Variants in OPRM1 observed in about 807,000 individuals in gnomAD.
OPRM1 encodes mu-type opioid receptor.
OPRM1 carries 27 observed loss-of-function variants against 31.8 expected under a neutral mutation model. The ratio of observed to expected loss-of-function variants is 0.85; its 90% confidence interval spans 0.63 to 1.17. The LOEUF (loss-of-function observed/expected upper bound fraction) is 1.17, where lower values mean the gene tolerates loss of function less well. OPRM1 is among the 50% of genes most tolerant of loss of function. The pLI is 0.00. For missense variants in OPRM1, 536 were observed against 511.1 expected (o/e 1.05, Z -0.47); for synonymous variants, 196 against 189.9 (o/e 1.03, Z -0.26).
At chr6:154,071,070 A>T (rs997385908) in intron 1 of OPRM1, among the ~76,000 whole-genome samples, 5 of 152,224 alleles carry the variant, frequency 3.3e-5, no homozygotes, top group African/African-American at 4.8e-5. Context: ...ACAACTGAGC[A>T]AGCAGGTCTT....
chr6:154,160,152 A>C (rs1364254588), intron 3 of OPRM1: 3 of 793,896 alleles, frequency 3.8e-6, no homozygotes, highest in Non-Finnish European at 6.0e-6. Flanking sequence ...TTACCAAAGC[A>C]TTTTTGCACG....
At chr6:154,032,244 C>T (rs1326804189) in intron 1 of OPRM1, among the ~76,000 whole-genome samples, 2 of 152,156 alleles carry the variant, frequency 1.3e-5, no homozygotes, top group African/African-American at 4.8e-5. Flanking sequence ...GCCAAGGACT[C>T]TTGTAAGTGC....
chr6:154,038,849 G>T (rs79862455), upstream of OPRM1, among the ~76,000 whole-genome samples: 8 of 152,274 alleles, frequency 5.3e-5, no homozygotes, highest in East Asian at 1.5e-3. Flanking sequence ...GTTCCCAACA[G>T]GTTTGTAGGG....
intron 1 of OPRM1, among the ~76,000 whole-genome samples, chr6:154,013,923 T>A (rs1777864253): frequency 6.6e-6 from 1 of 152,064 alleles, no homozygotes; most frequent in Non-Finnish European, 1.5e-5. Context: ...GGAAAGAAAG[T>A]CATATTGTTG....
intron 3 of OPRM1, chr6:154,159,642 T>TA: frequency 1.7e-6 from 1 of 602,870 alleles, no homozygotes; most frequent in Non-Finnish European, 2.9e-6. Flanking sequence ...ATGGATGCGT[T>TA]ACGACTGAAA....
chr6:154,237,074 A>G (rs1241016095), intron 3 of OPRM1, among the ~76,000 whole-genome samples: 1 of 152,234 alleles, frequency 6.6e-6, no homozygotes, highest in East Asian at 1.9e-4. Flanking sequence ...GTGACAGATG[A>G]GTCTATCAAT....
rs754157819 is a variant in OPRM1 at position 154,010,517 on chromosome 6, T to C, written c.-502T>C. On this transcript the variant is annotated 5_prime_UTR_variant, in exon 1 of 6. Coordinates refer to the OPRM1 transcript ENST00000434900. ...GTTTGTCTTCCTGTAAAGAAAATGA[T>C]GAGGGCTAAATCCATCAGCACCAAA... is the stretch of plus-strand genomic sequence containing the variant. 1.9e-6 allele frequency: 3 copies of C among 1,544,268 alleles called. No individual in the cohort carries two copies. In the South Asian group the frequency reaches 3.6e-5, roughly 18 times the overall value.
At chr6:154,106,081 C>A (rs375796945) in intron 3 of OPRM1, among the ~76,000 whole-genome samples, 7 of 152,156 alleles carry the variant, frequency 4.6e-5, no homozygotes, top group African/African-American at 1.7e-4. Context: ...GAATCTCTTA[C>A]AATTAATCCT....
At chr6:154,108,893 T>C (rs1796002643) in intron 3 of OPRM1, 1 of 984,688 alleles carries the variant, frequency 1.0e-6, no homozygotes. Context: ...CAGTAGTTAC[T>C]AGAGAAAAAT....
chr6:154,019,826 C>T lies in OPRM1; in HGVS notation c.-1+8808C>T, dbSNP rs375395095. ...ATGGCTCACTGCAGCCTCTCCTTTCCGGGCTCAAGCAATCCCCCCATCTCA... is the reference window on the plus strand; with the variant it reads ...ATGGCTCACTGCAGCCTCTCCTTTCTGGGCTCAAGCAATCCCCCCATCTCA... On this transcript the variant is annotated intron_variant, in intron 1 of 5. Transcript: ENST00000434900. Among the ~76,000 whole-genome samples, 85 of 150,456 alleles carry T rather than the reference C, an allele frequency of 5.6e-4. No homozygotes were observed. In the Middle Eastern group the frequency reaches 0.01, roughly 18 times the overall value.
At chr6:154,244,303 T>TGC (rs779968845) in intron 3 of OPRM1, among the ~76,000 whole-genome samples, 1 of 140,704 alleles carries the variant, frequency 7.1e-6, no homozygotes, top group Non-Finnish European at 1.5e-5. Flanking sequence ...TGTGGGTGGG[T>TGC]GTGTGTGTGT....
At position 154,215,452 on chromosome 6, in the gene OPRM1, C is replaced by T. The variant is rs376035904; in HGVS notation, c.1165-31241C>T. On this transcript the variant is annotated intron_variant, in intron 3 of 3. Coordinates refer to the OPRM1 transcript ENST00000337049. ...AACCCCGTCACTACTTAAAAAAATA[C>T]AAAATTAGCCGGGTGTGGTGGCGGA... Among the ~76,000 whole-genome samples, 55 of 151,952 alleles carry T rather than the reference C, an allele frequency of 3.6e-4. No individual in the cohort carries two copies. The South Asian group carries it at 0.011, about 31-fold the overall frequency.
intron 3 of OPRM1, among the ~76,000 whole-genome samples, chr6:154,116,655 A>G (rs532109028): frequency 3.3e-5 from 5 of 152,292 alleles, no homozygotes; most frequent in Admixed American, 2.0e-4. Flanking sequence ...AGTCACTAAA[A>G]CAGAAATCCA....
intron 3 of OPRM1, among the ~76,000 whole-genome samples, chr6:154,113,847 G>T (rs1317545281): frequency 6.6e-6 from 1 of 152,154 alleles, no homozygotes; most frequent in Non-Finnish European, 1.5e-5. Context: ...GTGAGAGGCT[G>T]GGATTCAGAG....
chr6:154,016,042 AGTTAATAATAT>A (rs1444676170), intron 1 of OPRM1, among the ~76,000 whole-genome samples: 1 of 152,144 alleles, frequency 6.6e-6, no homozygotes, highest in East Asian at 1.9e-4. Flanking sequence ...AAGGAAAGAA[AGTTAATAATAT>A]CTAGCAAAAT....
intron 3 of OPRM1, among the ~76,000 whole-genome samples, chr6:154,180,630 C>T (rs1800792242): frequency 1.3e-5 from 2 of 152,118 alleles, no homozygotes; most frequent in African/African-American, 4.8e-5. Context: ...ACACTGTATG[C>T]AGATTATCTC....
At chr6:154,012,131 A>G (rs1334816826) in intron 1 of OPRM1, among the ~76,000 whole-genome samples, 1 of 152,220 alleles carries the variant, frequency 6.6e-6, no homozygotes, top group Non-Finnish European at 1.5e-5. Flanking sequence ...AGGTTTGGAC[A>G]TAACTATGGG....
At chr6:154,019,558 C>G (rs1778223696) in intron 1 of OPRM1, among the ~76,000 whole-genome samples, 1 of 151,822 alleles carries the variant, frequency 6.6e-6, no homozygotes, top group South Asian at 2.1e-4. Flanking sequence ...ATTTTTTCCT[C>G]CCTCCCTCCA....
intron 1 of OPRM1, among the ~76,000 whole-genome samples, chr6:154,017,714 T>C (rs1183739896): frequency 6.6e-6 from 1 of 152,204 alleles, no homozygotes; most frequent in Admixed American, 6.5e-5. Flanking sequence ...CGATTTCCCA[T>C]TCTGCTATTT....
Sources: allele counts gnomAD v4.1 joint callset (sites outside exome capture counted in the v4.1 genomes callset), GRCh38; gene constraint gnomAD v4.1.1; transcripts MANE v1.5; gene names NCBI Gene and HGNC (gene_info 2026-07-23, HGNC 2026-07-21).